CCDC170: variants seen among roughly 807,000 people sequenced by gnomAD.
CCDC170 encodes the protein coiled-coil domain-containing protein 170.
A neutral mutation model predicts 72.6 loss-of-function variants in CCDC170; 69 were observed. That is an observed-to-expected ratio of 0.95 (90% confidence interval 0.78 to 1.16). CCDC170 has a LOEUF of 1.16. CCDC170 is among the 50% of genes most tolerant of loss of function. CCDC170 has a pLI of 0.00. For synonymous variants in CCDC170, 300 were observed against 303.9 expected, an observed-to-expected ratio of 0.99 and a Z score of 0.13; for missense variants, 852 against 832.5, an observed-to-expected ratio of 1.02 and a Z score of -0.29.
chr6:151,554,875 T>G (rs1013924880), intron 5 of CCDC170, among the ~76,000 whole-genome samples: 4 of 133,394 alleles, frequency 3.0e-5, no homozygotes, highest in Non-Finnish European at 6.3e-5. Context: ...GACCTCAGTT[T>G]TTTTTTTTTT....
At position 151,593,221 on chromosome 6, in the gene CCDC170, C is replaced by T. The variant is rs267600858; in HGVS notation, c.1408C>T (p.Arg470Cys). The T allele has an allele frequency of 2.5e-5, 41 of 1,613,992 alleles. No homozygotes were observed. The highest frequency in any genetic ancestry group is 2.0e-4 in the Admixed American group (12 of 59,984). Residue 470 changes from arginine (R) to cysteine (C), a missense_variant, in exon 8 of 11, where the codon CGT (arginine) becomes TGT (cysteine). Transcript: ENST00000239374. ...VVLARTEQLV[R>C]LESNAVIENK... Reference sequence around the variant, plus strand: ...TTTAGCTCGAACAGAGCAGCTGGTTCGTCTTGAGAGCAATGCAGTCATTGA... The same window carrying T: ...TTTAGCTCGAACAGAGCAGCTGGTTTGTCTTGAGAGCAATGCAGTCATTGA...
At chr6:151,539,616 CT>C (rs1283172712) in intron 3 of CCDC170, among the ~76,000 whole-genome samples, 1 of 152,204 alleles carries the variant, frequency 6.6e-6, no homozygotes, top group Non-Finnish European at 1.5e-5. Context: ...TAAATTTACT[CT>C]CTTGGTGATA....
Position 151,532,405 on chromosome 6 carries a change from G to A in CCDC170, c.58-3913G>A, listed in dbSNP as rs377446915. Among the ~76,000 whole-genome samples, 27 of 152,074 alleles carry A rather than the reference G, an allele frequency of 1.8e-4. No individual in the cohort carries two copies. The East Asian group carries it at 4.1e-3, about 23-fold the overall frequency. On this transcript the variant is annotated intron_variant, in intron 1 of 10. Transcript: ENST00000239374. Reference sequence around the variant, plus strand: ...GTTGATCACTTGAGGTCAGGAGTTCGAGACCAGCCTGGCTAACATGGTGAA... The same window carrying A: ...GTTGATCACTTGAGGTCAGGAGTTCAAGACCAGCCTGGCTAACATGGTGAA...
chr6:151,572,660 T>TTTGTTTTTTG lies in CCDC170; in HGVS notation c.775-512_775-511insGTTTTTTGTT, dbSNP rs1406459812. Among the ~76,000 whole-genome samples, 125 of 136,450 alleles carry TTTGTTTTTTG rather than the reference T, an allele frequency of 9.2e-4. 7 individuals carry two copies. Among genetic ancestry groups the TTTGTTTTTTG allele is most frequent in the African/African-American group, 3.2e-3 (106 of 33,406 alleles). 89.5% of individuals were successfully genotyped at this position (136,450 alleles called of 152,430 possible). ...TATCCCTTCTCTGTGTTTTTTTTTTTTTTTTTTTTGATGGAGTCTTGTTCT... is the reference window on the plus strand; with the variant it reads ...TATCCCTTCTCTGTGTTTTTTTTTTTTTGTTTTTTGTTTTTTTTTGATGGAGTCTTGTTCT... On this transcript the variant is annotated intron_variant, in intron 5 of 10. Coordinates refer to ENST00000239374, the MANE Select transcript of CCDC170 (RefSeq NM_025059.4).
At chr6:151,546,849 AAG>A (rs1323492749) in intron 4 of CCDC170, among the ~76,000 whole-genome samples, 1 of 152,160 alleles carries the variant, frequency 6.6e-6, no homozygotes, top group Non-Finnish European at 1.5e-5. Context: ...AACAATGAAT[AAG>A]AAACCATCTT....
intron 9 of CCDC170, among the ~76,000 whole-genome samples, chr6:151,606,096 T>A (rs1204538477): frequency 6.6e-6 from 1 of 152,256 alleles, no homozygotes; most frequent in East Asian, 1.9e-4. Flanking sequence ...GAGACGGGGT[T>A]TCAGCATTTT....
intron 6 of CCDC170, 138 bp from the exon 7 acceptor site, chr6:151,585,751 A>G (rs1776442337): frequency 2.9e-6 from 2 of 688,998 alleles, no homozygotes; most frequent in Admixed American, 3.4e-5. Context: ...TATCAATTAC[A>G]TATTTTAAAT....
chr6:151,510,667 C>A (rs778436322), intron 1 of CCDC170, among the ~76,000 whole-genome samples: 63 of 151,970 alleles, frequency 4.1e-4, no homozygotes, highest in African/African-American at 1.5e-3. Context: ...ACAGAAAAAT[C>A]GTAAATTAGA....
intron 9 of CCDC170, among the ~76,000 whole-genome samples, chr6:151,597,406 G>A (rs1583044526): frequency 6.6e-6 from 1 of 152,194 alleles, no homozygotes; most frequent in African/African-American, 2.4e-5. Flanking sequence ...GGGATTACAA[G>A]TGTGAGCCAC....
intron 5 of CCDC170, among the ~76,000 whole-genome samples, chr6:151,553,056 G>A (rs953256523): frequency 1.3e-5 from 2 of 151,956 alleles, no homozygotes; most frequent in African/African-American, 4.8e-5. Context: ...CAAAGTGCTG[G>A]GATTACAGGC....
chr6:151,608,030 TC>T (rs1776812252), intron 9 of CCDC170, among the ~76,000 whole-genome samples: 1 of 152,178 alleles, frequency 6.6e-6, no homozygotes, highest in African/African-American at 2.4e-5. Context: ...CATTATTTTT[TC>T]TTTTTTGGAC....
intron 1 of CCDC170, among the ~76,000 whole-genome samples, chr6:151,498,051 G>A (rs1051139768): frequency 6.6e-6 from 1 of 151,954 alleles, no homozygotes; most frequent in Non-Finnish European, 1.5e-5. Context: ...AAAGTGCTTG[G>A]ATTCCAAATC....
At chr6:151,507,542 A>C (rs1395672228) in intron 1 of CCDC170, among the ~76,000 whole-genome samples, 1 of 152,234 alleles carries the variant, frequency 6.6e-6, no homozygotes, top group African/African-American at 2.4e-5. Context: ...GGGACCCATG[A>C]AGGCAAAAGT....
chr6:151,573,141 TG>T (rs770257112), intron 5 of CCDC170, 32 bp from the exon 6 acceptor site: 2 of 1,574,386 alleles, frequency 1.3e-6, no homozygotes, highest in South Asian at 2.3e-5. Flanking sequence ...TGACTTCTAA[TG>T]GTATTGTCTT....
intron 7 of CCDC170, among the ~76,000 whole-genome samples, chr6:151,588,394 T>C (rs1244481586): frequency 6.6e-6 from 1 of 152,128 alleles, no homozygotes; most frequent in Non-Finnish European, 1.5e-5. Context: ...CCACCACAGA[T>C]AAGCAAAAAG....
At chr6:151,533,169 T>G (rs1782516928) in intron 1 of CCDC170, among the ~76,000 whole-genome samples, 1 of 150,696 alleles carries the variant, frequency 6.6e-6, no homozygotes, top group African/African-American at 2.4e-5. Flanking sequence ...TTCTCCTGCC[T>G]CAGCCTCCCG....
chr6:151,517,200 C>T (rs1782247873), intron 1 of CCDC170, among the ~76,000 whole-genome samples: 1 of 152,036 alleles, frequency 6.6e-6, no homozygotes, highest in South Asian at 2.1e-4. Context: ...AGTGTGGTGG[C>T]ACATGCCTAT....
chr6:151,495,778 G>A (rs1322191124), intron 1 of CCDC170, among the ~76,000 whole-genome samples: 1 of 152,174 alleles, frequency 6.6e-6, no homozygotes, highest in Non-Finnish European at 1.5e-5. Context: ...TTACAGAGAT[G>A]CACTACCATG....
intron 1 of CCDC170, among the ~76,000 whole-genome samples, chr6:151,498,763 C>T (rs1781945946): frequency 6.6e-6 from 1 of 152,064 alleles, no homozygotes; most frequent in African/African-American, 2.4e-5. Context: ...GTATTCTAGG[C>T]ACGCTGTATA....
Sources: allele counts gnomAD v4.1 joint callset (sites outside exome capture counted in the v4.1 genomes callset), GRCh38; gene constraint gnomAD v4.1.1; transcripts MANE v1.5; gene names NCBI Gene and HGNC (gene_info 2026-07-23, HGNC 2026-07-21).